CLIC4: variants seen among roughly 807,000 people sequenced by gnomAD.
CLIC4 encodes CLIC family member 4, also known as chloride intracellular channel protein 4.
In CLIC4, 13 loss-of-function variants were observed where a neutral mutation model predicts 24.6. The ratio of observed to expected loss-of-function variants is 0.53; its 90% CI spans 0.34 to 0.84. The LOEUF is 0.84. Among genes scored for constraint, CLIC4 ranks in the 40% least tolerant of loss-of-function variants. The probability of loss-of-function intolerance (pLI) is 0.01; values close to 1 mark genes in which losing one functional copy is unlikely to be tolerated. For synonymous variants in CLIC4, 104 were observed against 111.3 expected (o/e 0.93, Z 0.41); for missense variants, 227 against 301.7 (o/e 0.75, Z 1.83).
intron 1 of CLIC4, among the ~76,000 whole-genome samples, chr1:24,770,705 G>T (rs1468907737): frequency 2.7e-5 from 4 of 148,162 alleles, no homozygotes; most frequent in Admixed American, 1.4e-4. Flanking sequence ...TCTTGACCTT[G>T]TCATTTTCCT....
At position 24,806,763 on chromosome 1, in the gene CLIC4, T is replaced by G. The variant is rs115145972; in HGVS notation, c.183-7331T>G. Among the ~76,000 whole-genome samples the G allele has an allele frequency of 5.3e-3, 813 of 152,326 alleles. 9 individuals are homozygous for G. The highest frequency in any genetic ancestry group is 0.019 in the African/African-American group (795 of 41,572). On this transcript the variant is annotated intron_variant, in intron 2 of 5. Coordinates refer to ENST00000374379, the MANE Select transcript of CLIC4 (RefSeq NM_013943.3). Reference sequence around the variant, plus strand: ...TGCTTTGTTAATATGATACTAAAAGTGGTAATGGCTTTCATTTGCATACTT... The same window carrying G: ...TGCTTTGTTAATATGATACTAAAAGGGGTAATGGCTTTCATTTGCATACTT...
At chr1:24,776,480 G>T (rs1158551328) in intron 1 of CLIC4, among the ~76,000 whole-genome samples, 2 of 152,152 alleles carry the variant, frequency 1.3e-5, no homozygotes, top group African/African-American at 4.8e-5. Flanking sequence ...AGGAGGAACT[G>T]CCTGGTCTTA....
intron 3 of CLIC4, among the ~76,000 whole-genome samples, chr1:24,822,849 T>C (rs1639749447): frequency 6.6e-6 from 1 of 151,752 alleles, no homozygotes; most frequent in East Asian, 1.9e-4. Context: ...GGAGGAAGAG[T>C]TTCTGGGATC....
chr1:24,813,802 T>C, intron 2 of CLIC4, among the ~76,000 whole-genome samples: 1 of 152,114 alleles, frequency 6.6e-6, no homozygotes, highest in Middle Eastern at 3.2e-3. Flanking sequence ...CACTCCAGCC[T>C]CAACTTCCCA....
intron 3 of CLIC4, among the ~76,000 whole-genome samples, chr1:24,817,418 C>T (rs1167803626): frequency 6.6e-6 from 1 of 152,220 alleles, no homozygotes; most frequent in African/African-American, 2.4e-5. Context: ...ACCTCACGAA[C>T]CAACCTCTGC....
intron 2 of CLIC4, 121 bp downstream of exon 2, chr1:24,797,972 T>C: frequency 1.4e-6 from 1 of 707,350 alleles, no homozygotes; most frequent in Non-Finnish European, 2.4e-6. Context: ...GTTCTGCTGG[T>C]TTATGGACAA....
intron 3 of CLIC4, among the ~76,000 whole-genome samples, chr1:24,816,256 T>TTG (rs1157376098): frequency 4.0e-5 from 6 of 149,032 alleles, no homozygotes; most frequent in African/African-American, 1.3e-4. Flanking sequence ...TTTTTTTTTT[T>TTG]GGACGGAGTT....
intron 1 of CLIC4, among the ~76,000 whole-genome samples, chr1:24,776,454 G>A (rs1639142339): frequency 6.6e-6 from 1 of 152,136 alleles, no homozygotes. Flanking sequence ...GTTATGATAG[G>A]CAGAGTTGAT....
chr1:24,842,421 A>G lies in CLIC4; in HGVS notation c.*1484A>G, dbSNP rs1639953237. The G allele has an allele frequency of 6.6e-6, 1 of 152,202 alleles. No homozygotes were observed. Among genetic ancestry groups the G allele is most frequent in the South Asian group, 2.1e-4 (1 of 4,832 alleles). The allele number at this position is 152,202 out of a possible 1,614,324, so 9.4% of individuals were successfully genotyped here. On this transcript the variant is annotated 3_prime_UTR_variant, in exon 6 of 6. Transcript: ENST00000374379. ...TAATTTTTTTATACCTAATTTGTATAGGAAGTGCTATTTCTCATAGGCTGT... is the reference window on the plus strand; with the variant it reads ...TAATTTTTTTATACCTAATTTGTATGGGAAGTGCTATTTCTCATAGGCTGT...
At chr1:24,747,773 ACT>A in intron 1 of CLIC4, among the ~76,000 whole-genome samples, 1 of 152,024 alleles carries the variant, frequency 6.6e-6, no homozygotes, top group Middle Eastern at 3.4e-3. Context: ...GGGTGAGGTG[ACT>A]CACACCTGTA....
chr1:24,772,524 C>T (rs1416326425), intron 1 of CLIC4, among the ~76,000 whole-genome samples: 1 of 152,188 alleles, frequency 6.6e-6, no homozygotes, highest in Admixed American at 6.5e-5. Flanking sequence ...CTTGCTCTCT[C>T]GCCCAGGCTA....
At chr1:24,748,132 G>T (rs1158622315) in intron 1 of CLIC4, among the ~76,000 whole-genome samples, 1 of 152,048 alleles carries the variant, frequency 6.6e-6, no homozygotes, top group East Asian at 1.9e-4. Flanking sequence ...TTAAGTATCT[G>T]AATTAGGAAG....
chr1:24,757,902 G>A (rs1638871577), intron 1 of CLIC4, among the ~76,000 whole-genome samples: 1 of 151,796 alleles, frequency 6.6e-6, no homozygotes, highest in Non-Finnish European at 1.5e-5. Context: ...CAAGTAGCTG[G>A]GACCACAGGC....
intron 3 of CLIC4, among the ~76,000 whole-genome samples, chr1:24,814,558 A>C (rs183070916): frequency 3.3e-4 from 50 of 152,338 alleles, no homozygotes; most frequent in South Asian, 6.2e-4. Context: ...ACACATTCCA[A>C]CTGAACCCAG....
At chr1:24,771,976 T>C in intron 1 of CLIC4, 2 of 350,846 alleles carry the variant, frequency 5.7e-6, no homozygotes, top group Non-Finnish European at 1.2e-5. Context: ...AAGCTTAGGC[T>C]TAGGCAGAAA....
At chr1:24,748,226 G>C (rs1043476246) in intron 1 of CLIC4, among the ~76,000 whole-genome samples, 1 of 152,028 alleles carries the variant, frequency 6.6e-6, no homozygotes, top group African/African-American at 2.4e-5. Flanking sequence ...TTCCAAACTT[G>C]AGTCACTTGC....
intron 4 of CLIC4, among the ~76,000 whole-genome samples, chr1:24,828,130 T>C (rs1183059154): frequency 6.6e-6 from 1 of 152,244 alleles, no homozygotes; most frequent in Non-Finnish European, 1.5e-5. Flanking sequence ...AAATACTTGC[T>C]AATTTCCTTA....
intron 2 of CLIC4, among the ~76,000 whole-genome samples, chr1:24,812,632 G>A (rs751813150): frequency 1.3e-5 from 2 of 151,896 alleles, no homozygotes; most frequent in Non-Finnish European, 2.9e-5. Flanking sequence ...AAAAATCAAA[G>A]CATTTTCTTA....
At chr1:24,840,727 A>G in intron 5 of CLIC4, 46 bp from the exon 6 acceptor site, 2 of 1,491,978 alleles carry the variant, frequency 1.3e-6, no homozygotes, top group South Asian at 1.3e-5. Flanking sequence ...CTAGTTTACA[A>G]GACGTGGAAA....
Sources: gnomAD v4.1 joint callset for allele counts (sites outside exome capture counted in the v4.1 genomes callset) on GRCh38, gnomAD v4.1.1 for gene constraint, MANE v1.5 for transcripts, NCBI Gene and HGNC (gene_info 2026-07-23, HGNC 2026-07-21) for gene names.